Variants in KLHDC1 observed in about 807,000 individuals in gnomAD.
The protein encoded by KLHDC1 is kelch domain-containing protein 1.
Under a neutral mutation model 68.3 loss-of-function variants are expected in KLHDC1, and 53 were observed. The ratio of observed to expected loss-of-function variants is 0.78; its 90% CI spans 0.62 to 0.98. The LOEUF (loss-of-function observed/expected upper bound fraction) is 0.98. KLHDC1 is among the 50% of genes least tolerant of loss of function. The probability of loss-of-function intolerance (pLI) is 0.00; values close to 1 mark genes in which losing one functional copy is unlikely to be tolerated. For synonymous variants in KLHDC1, 148 were observed against 159.0 expected (o/e 0.93, Z 0.52); for missense variants, 470 against 492.3 (o/e 0.95, Z 0.43).
chr14:49,695,115 G>C (rs372080100), intron 1 of KLHDC1, among the ~76,000 whole-genome samples: 2 of 22,926 alleles, frequency 8.7e-5, no homozygotes, highest in African/African-American at 2.5e-4. Context: ...ATGCAGTTTT[G>C]ATGTGTGTGT....
chr14:49,695,366 A>G (rs1191623242), intron 1 of KLHDC1, among the ~76,000 whole-genome samples: 1 of 152,176 alleles, frequency 6.6e-6, no homozygotes, highest in African/African-American at 2.4e-5. Flanking sequence ...GGGCAACAGA[A>G]TGGATATTGT....
In KLHDC1 at chr14:49,740,529, C is replaced by T. The variant is rs577386531; in HGVS notation, c.981+347C>T. Reference sequence around the variant, plus strand: ...ATTTTTTGTATTTTTAGTAGAGAGACGGGGTTTCACCGTGTTAGCCAAGAT... The same window carrying T: ...ATTTTTTGTATTTTTAGTAGAGAGATGGGGTTTCACCGTGTTAGCCAAGAT... On this transcript the variant is annotated intron_variant, in intron 11 of 12. Coordinates refer to ENST00000359332, the MANE Select transcript of KLHDC1 (RefSeq NM_172193.3). 6.6e-5 allele frequency among the ~76,000 whole-genome samples: 10 copies of T among 152,076 alleles called. No individual in the cohort carries two copies. In the South Asian group the frequency reaches 8.3e-4, roughly 13 times the overall value.
intron 5 of KLHDC1, among the ~76,000 whole-genome samples, chr14:49,724,342 G>T (rs918288674): frequency 1.3e-5 from 2 of 151,710 alleles, no homozygotes; most frequent in Non-Finnish European, 1.5e-5. Context: ...CTAGATAAGA[G>T]TCAGTTGGTA....
chr14:49,725,704 G>C lies in KLHDC1; in HGVS notation c.502G>C (p.Gly168Arg), dbSNP rs1888654575. Residue 168 changes from glycine (G) to arginine (R), a missense_variant, in exon 6 of 13, where the codon GGA (glycine) becomes CGA (arginine). By Grantham distance (125) the Gly-to-Arg change is moderately radical. Transcript: ENST00000359332. ...DASWEEQIFW[G>R]WHNDVHIFDT... is the part of the protein sequence containing the mutation. Reference sequence around the variant, plus strand: ...CTTTTAGGAAGAGCAGATATTCTGGGGATGGCATAATGATGTCCACATATT... The same window carrying C: ...CTTTTAGGAAGAGCAGATATTCTGGCGATGGCATAATGATGTCCACATATT... 1 of 1,416,222 alleles carries C rather than the reference G, an allele frequency of 7.1e-7. No homozygotes were observed. Among genetic ancestry groups the C allele is most frequent in the Non-Finnish European group, 9.3e-7 (1 of 1,076,372 alleles). The allele number at this position is 1,416,222 out of a possible 1,614,324, so 87.7% of individuals were successfully genotyped here.
chr14:49,738,222 T>A (rs551568762), intron 10 of KLHDC1, among the ~76,000 whole-genome samples: 2 of 152,224 alleles, frequency 1.3e-5, no homozygotes, highest in African/African-American at 4.8e-5. Context: ...ACATGAACTA[T>A]CAGACCACTT....
chr14:49,730,764 G>A (rs1335107529), intron 8 of KLHDC1, among the ~76,000 whole-genome samples: 1 of 152,038 alleles, frequency 6.6e-6, no homozygotes, highest in African/African-American at 2.4e-5. Flanking sequence ...CCTGAGGTCA[G>A]GAGTTTGAGA....
chr14:49,729,252 A>G (rs1317949260), intron 7 of KLHDC1, among the ~76,000 whole-genome samples: 1 of 152,192 alleles, frequency 6.6e-6, no homozygotes, highest in African/African-American at 2.4e-5. Flanking sequence ...ATTTCTTGTC[A>G]TCTAAAGCCT....
intron 1 of KLHDC1, among the ~76,000 whole-genome samples, chr14:49,694,161 T>C (rs1887665728): frequency 6.6e-6 from 1 of 152,216 alleles, no homozygotes; most frequent in South Asian, 2.1e-4. Flanking sequence ...AGAAATATTA[T>C]GCTTTAAAAT....
chr14:49,732,810 C>G lies in KLHDC1; in HGVS notation c.817C>G (p.Pro273Ala). Residue 273 changes from proline to alanine, a missense_variant, in exon 9 of 13, where the codon CCA becomes GCA. Physicochemically the swap from Pro to Ala is conservative, Grantham distance 27 (BLOSUM62 -1). Transcript: ENST00000359332. ...LCGGLSADNI[P>A]LSDGWIHNVT... ...TGGTGGACTAAGTGCAGATAATATC[C>G]CATTAAGTAAGTTGATTAAGGTTTA... 1 of 1,438,824 alleles carries G rather than the reference C, an allele frequency of 7.0e-7. No homozygotes were observed. The highest frequency in any genetic ancestry group is 1.4e-5 in the African/African-American group (1 of 71,396). The allele number at this position is 1,438,824 out of a possible 1,614,324, so 89.1% of individuals were successfully genotyped here. A position where few individuals can be genotyped will look rare whatever the true frequency, so the allele number is the denominator to read the frequency against.
chr14:49,729,699 G>A, intron 8 of KLHDC1, 151 bp downstream of exon 8: 1 of 553,708 alleles, frequency 1.8e-6, no homozygotes, highest in Non-Finnish European at 3.2e-6. Context: ...TTTAAATAGA[G>A]TTTGTTCCTT....
intron 12 of KLHDC1, among the ~76,000 whole-genome samples, chr14:49,749,342 A>G (rs763475210): frequency 5.3e-5 from 8 of 152,126 alleles, no homozygotes; most frequent in Non-Finnish European, 1.0e-4. Context: ...TACTTAAGTT[A>G]GTAATGGCTA....
chr14:49,747,031 C>A (rs573126406), intron 12 of KLHDC1, among the ~76,000 whole-genome samples: 1 of 151,634 alleles, frequency 6.6e-6, no homozygotes, highest in East Asian at 1.9e-4. Flanking sequence ...ACTGCAAGCT[C>A]CACCTCCCGG....
At chr14:49,743,183 G>C (rs1889109325) in intron 11 of KLHDC1, among the ~76,000 whole-genome samples, 1 of 151,782 alleles carries the variant, frequency 6.6e-6, no homozygotes, top group South Asian at 2.1e-4. Context: ...GATCACCTGA[G>C]GTCAGGAGTT....
intron 3 of KLHDC1, among the ~76,000 whole-genome samples, 157 bp from the exon 4 acceptor site, chr14:49,710,106 C>G (rs1266270684): frequency 6.6e-6 from 1 of 152,046 alleles, no homozygotes; most frequent in Non-Finnish European, 1.5e-5. Context: ...ACTCCTAAAA[C>G]AGTCTCATTT....
At chr14:49,748,507 A>G (rs1312257794) in intron 12 of KLHDC1, among the ~76,000 whole-genome samples, 2 of 152,196 alleles carry the variant, frequency 1.3e-5, no homozygotes, top group Admixed American at 6.5e-5. Context: ...ATGATGCAGA[A>G]GATGAAAAAG....
chr14:49,713,867 T>TTA, intron 4 of KLHDC1, among the ~76,000 whole-genome samples: 1 of 92,332 alleles, frequency 1.1e-5, no homozygotes, highest in African/African-American at 4.2e-5. Flanking sequence ...TTTTTTTTTT[T>TTA]CCTGAGACAG....
chr14:49,711,910 CTTTTTTTTTTTTTTTT>C (rs992092493), intron 4 of KLHDC1, among the ~76,000 whole-genome samples: 4 of 76,616 alleles, frequency 5.2e-5, no homozygotes, highest in African/African-American at 1.5e-4. Context: ...TTTTCTTTTT[CTTTTTTTTTTTTTTTT>C]TTTTTTTTTT....
At chr14:49,729,964 AT>A (rs1346901884) in intron 8 of KLHDC1, among the ~76,000 whole-genome samples, 1 of 152,212 alleles carries the variant, frequency 6.6e-6, no homozygotes, top group African/African-American at 2.4e-5. Flanking sequence ...AATCAGAGCT[AT>A]ATATTATTCC....
At chr14:49,712,240 T>G (rs1462074269) in intron 4 of KLHDC1, among the ~76,000 whole-genome samples, 2 of 152,068 alleles carry the variant, frequency 1.3e-5, no homozygotes, top group East Asian at 3.9e-4. Context: ...ATATATATAG[T>G]TGCTTTTATT....
Sources: gnomAD v4.1 joint callset for allele counts (sites outside exome capture counted in the v4.1 genomes callset) on GRCh38, gnomAD v4.1.1 for gene constraint, MANE v1.5 for transcripts, NCBI Gene and HGNC (gene_info 2026-07-23, HGNC 2026-07-21) for gene names.